The following PCDHGA8 variants were observed in gnomAD, a reference collection of about 807,000 sequenced individuals.
PCDHGA8 encodes protocadherin gamma-A8.
In PCDHGA8, 45 loss-of-function variants were observed where a neutral mutation model predicts 59.2. That is an observed-to-expected ratio of 0.76 (90% CI 0.60 to 0.98). PCDHGA8 has a LOEUF of 0.98. Ranked by LOEUF, PCDHGA8 falls within the 50% of genes least tolerant of loss-of-function variation. The pLI is 0.00. For missense variants in PCDHGA8, 1,257 were observed against 1,196.2 expected (o/e 1.05, Z -0.75); for synonymous variants, 531 against 519.0 (o/e 1.02, Z -0.32).
In PCDHGA8 at chr5:141,432,009, G is replaced by A. The variant is rs1227754190; in HGVS notation, c.2424+36772G>A. ...GTCTTGGATAGGGAACAGGTTCCTA[G>A]CTACAACATCACAGTGACCGCCACT... On this transcript the variant is annotated intron_variant, in intron 1 of 3. Coordinates refer to ENST00000398604, the MANE Select transcript of PCDHGA8 (RefSeq NM_032088.2). The surrounding 1 kb of genome is among the most constrained non-coding windows in gnomAD (Gnocchi z 6.0). The A allele has an allele frequency of 1.2e-6, 2 of 1,614,188 alleles. No homozygotes were observed. The highest frequency in any genetic ancestry group is 1.7e-6 in the Non-Finnish European group (2 of 1,180,024).
chr5:141,431,774 G>T lies in PCDHGA8; in HGVS notation c.2424+36537G>T. Reference sequence around the variant, plus strand: ...AGCCAAAGTCCTGATCACTGTTCTGGACGTGAACGACAATGCCCCAGAAGT... The same window carrying T: ...AGCCAAAGTCCTGATCACTGTTCTGTACGTGAACGACAATGCCCCAGAAGT... On this transcript the variant is annotated intron_variant, in intron 1 of 3. Transcript: ENST00000398604. This position sits in a 1 kb window ranked among gnomAD's most constrained non-coding sequence, Gnocchi z 4.8. 5 of 1,614,204 alleles carry T rather than the reference G, an allele frequency of 3.1e-6. No individual in the cohort carries two copies. The highest frequency in any genetic ancestry group is 4.2e-6 in the Non-Finnish European group (5 of 1,180,038).
At chr5:141,413,195 G>T (rs771456948) in intron 1 of PCDHGA8, 1 of 1,610,846 alleles carries the variant, frequency 6.2e-7, no homozygotes, top group South Asian at 1.1e-5. Context: ...CAAAGGAATC[G>T]CTCAAAGGAA....
intron 2 of PCDHGA8, 22 bp from the exon 3 acceptor site, chr5:141,505,371 C>G: frequency 1.2e-6 from 2 of 1,613,980 alleles, no homozygotes; most frequent in Non-Finnish European, 1.7e-6. Context: ...AGTCTGTGCT[C>G]ACCATCCTAC....
intron 1 of PCDHGA8, chr5:141,423,068 A>T: frequency 6.2e-7 from 1 of 1,614,090 alleles, no homozygotes; most frequent in Non-Finnish European, 8.5e-7. Context: ...AAGGCCAGCG[A>T]GCCGGGACTC....
chr5:141,488,634 G>A (rs937680420), intron 1 of PCDHGA8, among the ~76,000 whole-genome samples: 4 of 152,150 alleles, frequency 2.6e-5, no homozygotes, highest in Non-Finnish European at 4.4e-5. Context: ...CACCTTAGCA[G>A]CATTCAGCAG....
intron 1 of PCDHGA8, chr5:141,418,387 G>T: frequency 1.9e-6 from 3 of 1,614,002 alleles, no homozygotes; most frequent in Non-Finnish European, 2.5e-6. Flanking sequence ...GTCCTAACGA[G>T]TATTTCTCAT....
At chr5:141,430,313 G>A (rs1018901791) in intron 1 of PCDHGA8, among the ~76,000 whole-genome samples, 1 of 150,204 alleles carries the variant, frequency 6.7e-6, no homozygotes, top group South Asian at 2.1e-4. Context: ...AACATTATAA[G>A]ATTAAAATCA....
At position 141,432,781 on chromosome 5, in the gene PCDHGA8, C is replaced by T. The variant is rs761954375; in HGVS notation, c.2424+37544C>T. On this transcript the variant is annotated intron_variant, in intron 1 of 3. Coordinates refer to ENST00000398604, the MANE Select transcript of PCDHGA8 (RefSeq NM_032088.2). This position sits in a 1 kb window ranked among gnomAD's most constrained non-coding sequence, Gnocchi z 6.0. ...ACAGCATCCCCCAAGTCCTGGCGGA[C>T]CTCGGCAGCCTCGAGTCTCCAGCTA... The T allele has an allele frequency of 3.1e-6, 5 of 1,614,064 alleles. No homozygotes were observed. The Admixed American group carries it at 8.3e-5, about 27-fold the overall frequency.
intron 1 of PCDHGA8, among the ~76,000 whole-genome samples, chr5:141,426,008 T>G (rs2096909040): frequency 6.6e-6 from 1 of 152,224 alleles, no homozygotes; most frequent in South Asian, 2.1e-4. Context: ...GGCTTCCGGC[T>G]GCAGTTTTCT....
intron 1 of PCDHGA8, chr5:141,399,170 T>C (rs1159402714): frequency 6.2e-7 from 1 of 1,613,798 alleles, no homozygotes. Flanking sequence ...TTCCATTCTC[T>C]ACTTGAAATG....
At position 141,511,106 on chromosome 5, in the gene PCDHGA8, G is replaced by T. The variant is rs536900646; in HGVS notation, c.2732G>T (p.Arg911Leu). ...NATLTNAAGK[R>L]DGKAPAGGNG... is the part of the protein sequence containing the mutation. Reference sequence around the variant, plus strand: ...ACACTGACCAACGCAGCTGGCAAGCGGGATGGCAAGGCCCCAGCAGGTGGC... The same window carrying T: ...ACACTGACCAACGCAGCTGGCAAGCTGGATGGCAAGGCCCCAGCAGGTGGC... Residue 911 changes from arginine to leucine, a missense_variant, in exon 4 of 4, where the codon CGG becomes CTG. Transcript: ENST00000398604. 8.7e-6 allele frequency: 14 copies of T among 1,614,196 alleles called. No individual in the cohort carries two copies. Among genetic ancestry groups the T allele is most frequent in the Non-Finnish European group, 1.2e-5 (14 of 1,180,016 alleles).
chr5:141,421,787 C>T (rs753196648), intron 1 of PCDHGA8: 8 of 1,613,694 alleles, frequency 5.0e-6, no homozygotes, highest in East Asian at 2.2e-5. Context: ...CGGGGCAGAA[C>T]GGATGGGGCC....
chr5:141,419,148 C>G, intron 1 of PCDHGA8: 1 of 1,613,940 alleles, frequency 6.2e-7, no homozygotes. Flanking sequence ...AGGGGCAAGC[C>G]TCCGTTATCC....
At position 141,477,898 on chromosome 5, in the gene PCDHGA8, A is replaced by C; in HGVS notation, c.2425-16909A>C. The C allele has an allele frequency of 6.2e-7, 1 of 1,614,158 alleles. No individual in the cohort carries two copies. Among genetic ancestry groups the C allele is most frequent in the East Asian group, 2.2e-5 (1 of 44,864 alleles). ...CTGGCCACCTAGTGTCACGGGTGGT[A>C]GGCTGGGACGCGGATGCAGGGCACA... On this transcript the variant is annotated intron_variant, in intron 1 of 3. Transcript: ENST00000398604. This position sits in a 1 kb window ranked among gnomAD's most constrained non-coding sequence, Gnocchi z 4.9.
intron 1 of PCDHGA8, chr5:141,409,566 C>T: frequency 2.5e-6 from 4 of 1,613,978 alleles, no homozygotes; most frequent in Middle Eastern, 1.6e-4. Context: ...TTCGACCAGA[C>T]GTCCTACGTG....
chr5:141,422,734 T>A, intron 1 of PCDHGA8: 2 of 1,608,114 alleles, frequency 1.2e-6, no homozygotes, highest in Non-Finnish European at 1.7e-6. Context: ...GGTGCCTCTG[T>A]CCTCCTATGT....
Position 141,431,599 on chromosome 5 carries a change from C to T in PCDHGA8, c.2424+36362C>T. On this transcript the variant is annotated intron_variant, in intron 1 of 3. Transcript: ENST00000398604. The surrounding 1 kb of genome is among the most constrained non-coding windows in gnomAD (Gnocchi z 4.8). ...GAGTCAATGCGGAAGTGAGGTATTC[C>T]TTCCGGTATGTGGACGACAAGGCGG... 1 of 1,614,194 alleles carries T rather than the reference C, an allele frequency of 6.2e-7. No individual in the cohort carries two copies. The highest frequency in any genetic ancestry group is 8.5e-7 in the Non-Finnish European group (1 of 1,180,034).
At chr5:141,478,785 A>C in intron 1 of PCDHGA8, 1 of 1,482,486 alleles carries the variant, frequency 6.7e-7, no homozygotes, top group Non-Finnish European at 9.0e-7. Flanking sequence ...GACCTAATTC[A>C]CATCCTCAGC....
intron 1 of PCDHGA8, among the ~76,000 whole-genome samples, chr5:141,488,351 C>G (rs1467834410): frequency 6.6e-6 from 1 of 152,132 alleles, no homozygotes; most frequent in African/African-American, 2.4e-5. Context: ...AAACAGCCAC[C>G]CTGTGCATCT....
Sources: gnomAD v4.1 joint callset for allele counts (sites outside exome capture counted in the v4.1 genomes callset) on GRCh38, gnomAD v4.1.1 for gene constraint, Gnocchi (gnomAD v3.1) non-coding constraint, MANE v1.5 for transcripts, NCBI Gene and HGNC (gene_info 2026-07-23, HGNC 2026-07-21) for gene names.